Variants in UBE2J1 observed in about 807,000 individuals in gnomAD.
The protein encoded by UBE2J1 is ubiquitin conjugating enzyme E2 J1.
Under a neutral mutation model 42.1 loss-of-function variants are expected in UBE2J1, and 17 were observed. That is an observed-to-expected ratio of 0.40 (90% CI 0.28 to 0.61). The LOEUF is 0.61. UBE2J1 is among the 20% of genes least tolerant of loss of function. UBE2J1 has a pLI of 0.38. For missense variants in UBE2J1, 291 were observed against 389.4 expected (o/e 0.75, Z 2.13); for synonymous variants, 127 against 137.2 (o/e 0.93, Z 0.52).
intron 3 of UBE2J1, 72 bp from the exon 4 acceptor site, chr6:89,338,615 C>A: frequency 4.1e-5 from 15 of 363,654 alleles, no homozygotes; most frequent in Non-Finnish European, 6.3e-5. Flanking sequence ...TAAAAATATA[C>A]TATTTATATA....
chr6:89,338,488 T>C lies in UBE2J1; in HGVS notation c.293A>G (p.His98Arg). The change falls in exon 4 of 8, where the codon CAT (histidine) becomes CGT (arginine). Residue 98 changes from histidine (H) to arginine (R), a missense_variant. His to Arg is a conservative substitution (Grantham distance 29). Transcript: ENST00000435041. ...KKICLSISGH[H>R]PETWQPSWSI... ...CCACGAAGGCTGCCAAGTTTCAGGA[T>C]GATGGCCTGAGATGCTCAAACAGAT... The C allele has an allele frequency of 6.2e-7, 1 of 1,609,078 alleles. No individual in the cohort carries two copies.
intron 1 of UBE2J1, among the ~76,000 whole-genome samples, chr6:89,344,468 C>T (rs748553830): frequency 5.7e-4 from 87 of 152,178 alleles, no homozygotes; most frequent in Admixed American, 1.8e-3. Context: ...ATTCATTTTC[C>T]TCTTTATCCA....
intron 1 of UBE2J1, among the ~76,000 whole-genome samples, chr6:89,346,604 TC>T (rs1205732936): frequency 6.6e-6 from 1 of 152,076 alleles, no homozygotes; most frequent in African/African-American, 2.4e-5. Flanking sequence ...AAGTAACTTC[TC>T]AGGAATGTCT....
chr6:89,334,162 C>G (rs565647742), intron 6 of UBE2J1, among the ~76,000 whole-genome samples: 1 of 151,878 alleles, frequency 6.6e-6, no homozygotes, highest in South Asian at 2.1e-4. Context: ...CACCACCATG[C>G]CGAGCTAATT....
rs751592479 is a variant in UBE2J1, at chr6:89,328,357, T to C, written c.*1322A>G. On this transcript the variant is annotated 3_prime_UTR_variant, in exon 8 of 8. Coordinates refer to ENST00000435041, the MANE Select transcript of UBE2J1 (RefSeq NM_016021.3). ...CCCTATACTATTCAAGATATACATA[T>C]GGGCTAACTTTCGTGGACCGATCTA... 5.3e-5 allele frequency: 8 copies of C among 152,248 alleles called. No homozygotes were observed. The highest frequency in any genetic ancestry group is 1.0e-4 in the Non-Finnish European group (7 of 68,048). The allele number at this position is 152,248 out of a possible 1,614,324, so 9.4% of individuals were successfully genotyped here.
At chr6:89,347,885 C>G (rs1386816877) in intron 1 of UBE2J1, among the ~76,000 whole-genome samples, 2 of 152,210 alleles carry the variant, frequency 1.3e-5, no homozygotes, top group African/African-American at 4.8e-5. Flanking sequence ...TTTCACCCCT[C>G]CTTCCTGCCC....
rs537513276 is a variant in UBE2J1 at position 89,339,035 on chromosome 6, C to T, written c.238-492G>A. 2.0e-5 allele frequency among the ~76,000 whole-genome samples: 3 copies of T among 152,108 alleles called. No homozygotes were observed. In the South Asian group the frequency reaches 6.2e-4, roughly 32 times the overall value. On this transcript the variant is annotated intron_variant, in intron 3 of 7. Coordinates refer to ENST00000435041, the MANE Select transcript of UBE2J1 (RefSeq NM_016021.3). Reference sequence around the variant, plus strand: ...TTTGTCCTTATAGACTCCAAAAATACTTGTTGGATGCTGAATAATAAAAGC... The same window carrying T: ...TTTGTCCTTATAGACTCCAAAAATATTTGTTGGATGCTGAATAATAAAAGC...
intron 6 of UBE2J1, among the ~76,000 whole-genome samples, chr6:89,334,567 G>C (rs1048371208): frequency 6.6e-6 from 1 of 151,312 alleles, no homozygotes; most frequent in African/African-American, 2.4e-5. Context: ...TGCCTCCCAG[G>C]TTCAAGCAAT....
intron 5 of UBE2J1, among the ~76,000 whole-genome samples, chr6:89,337,604 T>C (rs890685453): frequency 2.0e-5 from 3 of 152,016 alleles, no homozygotes; most frequent in Admixed American, 1.3e-4. Flanking sequence ...AAATTAGGTA[T>C]CAGCACTACT....
intron 1 of UBE2J1, among the ~76,000 whole-genome samples, chr6:89,351,753 A>G (rs1768485945): frequency 6.6e-6 from 1 of 152,214 alleles, no homozygotes; most frequent in South Asian, 2.1e-4. Flanking sequence ...TACCATTTAG[A>G]GGATCCAATG....
At position 89,352,648 on chromosome 6, in the gene UBE2J1, C is replaced by T. The variant is rs1768510744; in HGVS notation, c.-79G>A. 2 of 1,443,182 alleles carry T rather than the reference C, an allele frequency of 1.4e-6. No individual in the cohort carries two copies. The highest frequency in any genetic ancestry group is 1.8e-6 in the Non-Finnish European group (2 of 1,094,148). The allele number at this position is 1,443,182 out of a possible 1,614,324, so 89.4% of individuals were successfully genotyped here. The stretch of plus-strand genomic sequence containing the variant: ...CGCGGCCGCTGCCCGGGTCTCAGCG[C>T]GGCTCGGGCGGACGGGGCCTGGCCG... On this transcript the variant is annotated 5_prime_UTR_variant, in exon 1 of 8. Coordinates refer to ENST00000435041, the MANE Select transcript of UBE2J1 (RefSeq NM_016021.3).
intron 4 of UBE2J1, 74 bp from the exon 5 acceptor site, chr6:89,338,384 A>G (rs1768151281): frequency 6.4e-7 from 1 of 1,570,076 alleles, no homozygotes; most frequent in African/African-American, 1.4e-5. Context: ...AAAAGAAAAA[A>G]TCAGAGTATT....
intron 1 of UBE2J1, 152 bp from the exon 2 acceptor site, chr6:89,343,908 G>T: frequency 1.8e-6 from 1 of 549,272 alleles, no homozygotes; most frequent in Middle Eastern, 4.9e-4. Context: ...AATAAATAGA[G>T]GGGGAGAGGA....
chr6:89,351,613 T>C (rs984093323), intron 1 of UBE2J1, among the ~76,000 whole-genome samples: 6 of 152,214 alleles, frequency 3.9e-5, no homozygotes, highest in Non-Finnish European at 7.3e-5. Flanking sequence ...AACAGCTTTT[T>C]TTGGAAGGAA....
At chr6:89,343,072 G>A (rs974143871) in intron 2 of UBE2J1, among the ~76,000 whole-genome samples, 2 of 152,102 alleles carry the variant, frequency 1.3e-5, no homozygotes, top group Non-Finnish European at 2.9e-5. Context: ...GAGTAGCTAC[G>A]GAGACCCATC....
chr6:89,338,044 A>T (rs1768143005), intron 5 of UBE2J1, among the ~76,000 whole-genome samples, 161 bp downstream of exon 5: 1 of 152,208 alleles, frequency 6.6e-6, no homozygotes, highest in Admixed American at 6.5e-5. Flanking sequence ...CTCCAAGGAA[A>T]TTATTACAAC....
At chr6:89,347,774 C>CTT (rs1021973657) in intron 1 of UBE2J1, among the ~76,000 whole-genome samples, 15 of 152,288 alleles carry the variant, frequency 9.8e-5, no homozygotes, top group African/African-American at 3.4e-4. Flanking sequence ...AATTCTGACT[C>CTT]TGACATTTTG....
intron 2 of UBE2J1, among the ~76,000 whole-genome samples, chr6:89,343,383 C>T (rs529937120): frequency 9.0e-5 from 13 of 144,724 alleles, no homozygotes; most frequent in African/African-American, 3.4e-4. Context: ...TGCAGTGAGC[C>T]GAGATCACAT....
At chr6:89,351,069 CTTTTTTTTTTTTTTT>C (rs1193022037) in intron 1 of UBE2J1, among the ~76,000 whole-genome samples, 5 of 60,462 alleles carry the variant, frequency 8.3e-5, no homozygotes, top group Admixed American at 2.4e-4. Context: ...CCGGGATTCT[CTTTTTTTTTTTTTTT>C]TTTTTTTTTT....
Sources: allele counts gnomAD v4.1 joint callset (sites outside exome capture counted in the v4.1 genomes callset), GRCh38; gene constraint gnomAD v4.1.1; transcripts MANE v1.5; gene names NCBI Gene and HGNC (gene_info 2026-07-23, HGNC 2026-07-21).